SSX7: variants seen among roughly 807,000 people sequenced by gnomAD.
SSX7 encodes protein SSX7.
In SSX7, 15 loss-of-function variants were observed where a neutral mutation model predicts 14.7. That is an observed-to-expected ratio of 1.02 (90% confidence interval 0.68 to 1.58). The LOEUF (loss-of-function observed/expected upper bound fraction) is 1.58, where lower values mean the gene tolerates loss of function less well. Ranked by LOEUF, SSX7 falls within the 40% of genes most tolerant of loss-of-function variation. SSX7 has a pLI of 0.00. For synonymous variants in SSX7, 46 were observed against 50.6 expected (o/e 0.91, Z 0.38); for missense variants, 178 against 146.8 (o/e 1.21, Z -1.10).
chrX:52,645,377 C>T, intron 7 of SSX7, 62 bp downstream of exon 7: 1 of 1,208,597 alleles, frequency 8.3e-7, no homozygotes, highest in Non-Finnish European at 1.1e-6. Context: ...GATGGGATAC[C>T]AGTATCATAA....
intron 6 of SSX7, among the ~76,000 whole-genome samples, chrX:52,647,504 G>C (rs1299825482): frequency 8.9e-6 from 1 of 111,754 alleles, no homozygotes; most frequent in Non-Finnish European, 1.9e-5. Context: ...TCATGAAGCA[G>C]AGAGTTAATC....
chrX:52,653,171 C>G (rs782337912), intron 2 of SSX7, 187 bp from the exon 3 acceptor site: 19 of 752,088 alleles, frequency 2.5e-5, no homozygotes, highest in Middle Eastern at 1.5e-3. Flanking sequence ...CTGACTGACT[C>G]TCTTCCCACT....
At chrX:52,651,927 C>G (rs1276813949) in intron 4 of SSX7, among the ~76,000 whole-genome samples, 5 of 111,359 alleles carry the variant, frequency 4.5e-5, no homozygotes, top group Admixed American at 9.6e-5. Context: ...CTGAAGCTGT[C>G]TGTGCAGCAC....
chrX:52,653,020 T>C (rs1569174124), intron 2 of SSX7, 36 bp from the exon 3 acceptor site: 7 of 1,190,665 alleles, frequency 5.9e-6, no homozygotes, highest in South Asian at 1.8e-5. Flanking sequence ...TGTCAGTGAC[T>C]CAGCTAGACA....
chrX:52,646,296 T>C (rs1406988837), intron 6 of SSX7, among the ~76,000 whole-genome samples: 3 of 112,279 alleles, frequency 2.7e-5, no homozygotes, highest in Admixed American at 9.4e-5. Context: ...ATCTCCCGAC[T>C]TCGTGATCTG....
In SSX7 at chrX:52,645,374, T is replaced by A. The variant is rs181100120; in HGVS notation, c.*4+65A>T. 153 of 1,205,923 alleles carry A rather than the reference T, an allele frequency of 1.3e-4. 1 individual carries two copies. The East Asian group carries it at 4.5e-3, about 35-fold the overall frequency. On this transcript the variant is annotated intron_variant, in intron 7 of 7. Transcript: ENST00000298181. ...TTTGGGGAGCAAGTGACAGATGGGA[T>A]ACCAGTATCATAACAGAATACCACA...
At chrX:52,651,207 A>G (rs1184283044) in intron 4 of SSX7, among the ~76,000 whole-genome samples, 2 of 111,916 alleles carry the variant, frequency 1.8e-5, no homozygotes, top group Admixed American at 9.5e-5. Context: ...ACGGAGAATC[A>G]GGGTTCTTTG....
intron 1 of SSX7, among the ~76,000 whole-genome samples, chrX:52,654,364 G>GTTTT (rs1352091546): frequency 0.043 from 2,628 of 60,707 alleles, 213 homozygotes; most frequent in African/African-American, 0.079. Flanking sequence ...ATTTGAGTGA[G>GTTTT]TTTTTTTTTT....
intron 6 of SSX7, among the ~76,000 whole-genome samples, chrX:52,646,306 G>C (rs782507412): frequency 1.1e-3 from 128 of 112,415 alleles, no homozygotes; most frequent in African/African-American, 4.0e-3. Flanking sequence ...TTCGTGATCT[G>C]CCTGCCTCGG....
chrX:52,653,585 G>A, intron 1 of SSX7, 93 bp from the exon 2 acceptor site: 1 of 1,028,219 alleles, frequency 9.7e-7, no homozygotes, highest in East Asian at 3.1e-5. Context: ...TCAGTCACCT[G>A]GAATCAGGTG....
In SSX7 at chrX:52,652,735, C is replaced by G; in HGVS notation, c.184+135G>C. On this transcript the variant is annotated intron_variant, in intron 3 of 7. Coordinates refer to ENST00000298181, the MANE Select transcript of SSX7 (RefSeq NM_173358.2). The stretch of plus-strand genomic sequence containing the variant: ...ACAGGATACAGAAGAGGAGAACACC[C>G]AGAAGCTGCCTTGCGATTTTTCCCT... The G allele has an allele frequency of 9.9e-6, 6 of 605,030 alleles. No homozygotes were observed. In the Admixed American group the frequency reaches 2.1e-4, roughly 21 times the overall value. The allele number at this position is 605,030 out of a possible 1,213,427, so 49.9% of individuals were successfully genotyped here. A position where few individuals can be genotyped will look rare whatever the true frequency, so the allele number is the denominator to read the frequency against.
At chrX:52,652,037 C>G (rs1221618537) in intron 4 of SSX7, among the ~76,000 whole-genome samples, 1 of 108,633 alleles carries the variant, frequency 9.2e-6, no homozygotes, top group East Asian at 3.0e-4. Context: ...TTACCATTTA[C>G]TTATTATCTA....
Position 52,645,509 on chromosome X carries a change from T to C in SSX7, c.501A>G (p.Arg167=), listed in dbSNP as rs782775220. The C allele has an allele frequency of 5.8e-6, 7 of 1,201,145 alleles. No individual in the cohort carries two copies. The highest frequency in any genetic ancestry group is 3.2e-4 in the Middle Eastern group (1 of 3,111). ...TCACCAGCTGCTTTCTCTCACGCAGTCTGTGGGTCCAGGCATGTTTCCCCC... is the reference window on the plus strand; with the variant it reads ...TCACCAGCTGCTTTCTCTCACGCAGCCTGTGGGTCCAGGCATGTTTCCCCC... ...PKRGKHAWTH[R]LRERKQLVIY... is the part of the protein sequence containing the mutation. Residue 167 remains arginine (R), a synonymous_variant, in exon 7 of 8, where the codon AGA becomes AGG. Transcript: ENST00000298181.
In SSX7 at chrX:52,650,357, G is replaced by A. The variant is rs782053656; in HGVS notation, c.326C>T (p.Pro109Leu). 8.3e-6 allele frequency: 10 copies of A among 1,208,108 alleles called. No individual in the cohort carries two copies. In the Middle Eastern group the frequency reaches 9.3e-4, roughly 112 times the overall value. Residue 109 changes from proline to leucine, a missense_variant, in exon 5 of 8, where the codon CCG becomes CTG. Coordinates refer to ENST00000298181, the MANE Select transcript of SSX7 (RefSeq NM_173358.2). ...TTAGATCTGAGAGACACTCACCTTCGGGAAGATTCTCTGGAGCCTGCAAAA... is the reference window on the plus strand; with the variant it reads ...TTAGATCTGAGAGACACTCACCTTCAGGAAGATTCTCTGGAGCCTGCAAAA... The part of the protein sequence containing the change: ...MTFCRLQRIF[P>L]KIMPKKPAEE...
intron 6 of SSX7, among the ~76,000 whole-genome samples, chrX:52,647,821 T>C (rs1452068693): frequency 8.9e-6 from 1 of 112,242 alleles, no homozygotes; most frequent in African/African-American, 3.2e-5. Flanking sequence ...CTCACATTAT[T>C]GCAGTGGTCT....
intron 7 of SSX7, among the ~76,000 whole-genome samples, chrX:52,645,151 G>T (rs146109309): frequency 0.017 from 1,840 of 110,039 alleles, 33 homozygotes; most frequent in African/African-American, 0.058. Flanking sequence ...GGCACTTGTA[G>T]TCCCAGCTAC....
intron 4 of SSX7, among the ~76,000 whole-genome samples, chrX:52,651,350 G>A (rs1222234443): frequency 8.9e-6 from 1 of 112,217 alleles, no homozygotes; most frequent in Non-Finnish European, 1.9e-5. Flanking sequence ...AACTCTGGAA[G>A]TTTTTGGCGA....
intron 6 of SSX7, among the ~76,000 whole-genome samples, chrX:52,646,452 C>T (rs1556766351): frequency 8.9e-6 from 1 of 112,760 alleles, no homozygotes. Context: ...GCGTAATAAT[C>T]ACATCATGGA....
intron 5 of SSX7, among the ~76,000 whole-genome samples, chrX:52,648,892 G>A (rs1925336395): frequency 9.0e-6 from 1 of 111,582 alleles, no homozygotes; most frequent in Admixed American, 9.5e-5. Flanking sequence ...ATTAATCTAG[G>A]CAGCGAAGAA....
Sources: allele counts gnomAD v4.1 joint callset (sites outside exome capture counted in the v4.1 genomes callset), GRCh38; gene constraint gnomAD v4.1.1; transcripts MANE v1.5; gene names NCBI Gene and HGNC (gene_info 2026-07-23, HGNC 2026-07-21).